The following ELAVL3 variants were observed in gnomAD, a reference collection of about 807,000 sequenced individuals.
ELAVL3 encodes the protein ELAV like RNA binding protein 3.
ELAVL3 carries 8 observed loss-of-function variants against 34.2 expected under a neutral mutation model. The ratio of observed to expected loss-of-function variants is 0.23; its 90% confidence interval spans 0.14 to 0.42. The LOEUF (loss-of-function observed/expected upper bound fraction) is 0.42. Ranked by LOEUF, ELAVL3 falls within the 10% of genes least tolerant of loss-of-function variation. ELAVL3 has a pLI of 1.00. For missense variants in ELAVL3, 273 were observed against 518.8 expected (o/e 0.53, Z 4.60); for synonymous variants, 209 against 222.1 (o/e 0.94, Z 0.53).
chr19:11,452,358 G>A lies in ELAVL3; in HGVS notation c.*2168C>T, dbSNP rs143597166. 5 of 152,212 alleles carry A rather than the reference G, an allele frequency of 3.3e-5. No homozygotes were observed. Among genetic ancestry groups the A allele is most frequent in the African/African-American group, 1.2e-4 (5 of 41,522 alleles). 9.4% of individuals were successfully genotyped at this position (152,212 alleles called of 1,614,324 possible). ...CGGATGAAGTAACAGAAATATACAC[G>A]GATGTCCTTACAGGGCAACGAGGAG... On this transcript the variant is annotated 3_prime_UTR_variant, in exon 7 of 7. Coordinates refer to ENST00000359227, the MANE Select transcript of ELAVL3 (RefSeq NM_001420.4).
intron 1 of ELAVL3, among the ~76,000 whole-genome samples, chr19:11,479,531 G>C (rs980520178): frequency 1.3e-5 from 2 of 151,896 alleles, no homozygotes; most frequent in Non-Finnish European, 2.9e-5. Context: ...GGAGTCGCGC[G>C]GCAGGGGCGG....
chr19:11,479,704 G>A (rs898500040), intron 1 of ELAVL3, among the ~76,000 whole-genome samples: 3 of 151,680 alleles, frequency 2.0e-5, no homozygotes, highest in African/African-American at 7.3e-5. Flanking sequence ...GCGTGGCAGG[G>A]CGGGAGGGGC....
At chr19:11,464,148 T>C (rs1970955599) in intron 3 of ELAVL3, among the ~76,000 whole-genome samples, 1 of 104,370 alleles carries the variant, frequency 9.6e-6, no homozygotes, top group Non-Finnish European at 1.7e-5. Flanking sequence ...TCTCTCTCTC[T>C]CTCTATATAT....
intron 1 of ELAVL3, among the ~76,000 whole-genome samples, chr19:11,474,421 C>G (rs1182880760): frequency 6.6e-6 from 1 of 151,992 alleles, no homozygotes; most frequent in Non-Finnish European, 1.5e-5. Flanking sequence ...ATGGTGAAAC[C>G]CTGTCTCTAC....
intron 1 of ELAVL3, among the ~76,000 whole-genome samples, chr19:11,475,527 C>T (rs1264180269): frequency 6.6e-6 from 1 of 151,932 alleles, no homozygotes; most frequent in Non-Finnish European, 1.5e-5. Flanking sequence ...TGTTCTCAAA[C>T]TCCTGGTCTC....
intron 3 of ELAVL3, among the ~76,000 whole-genome samples, chr19:11,465,040 C>CACACACAT (rs201270864): frequency 1.6e-5 from 2 of 124,652 alleles, no homozygotes; most frequent in Non-Finnish European, 1.7e-5. Context: ...ACACACACAC[C>CACACACAT]ACACACATAC....
At chr19:11,472,782 A>C (rs559453220) in intron 1 of ELAVL3, among the ~76,000 whole-genome samples, 48 of 151,822 alleles carry the variant, frequency 3.2e-4, no homozygotes, top group Admixed American at 9.8e-4. Context: ...GGAGAAGAAG[A>C]AGCCAGGCGT....
chr19:11,464,164 TA>T (rs1324826917), intron 3 of ELAVL3, among the ~76,000 whole-genome samples: 26 of 112,560 alleles, frequency 2.3e-4, no homozygotes, highest in African/African-American at 5.0e-4. Context: ...TATATATATA[TA>T]TATTTTTTTT....
chr19:11,478,852 C>T (rs1019725374), intron 1 of ELAVL3, among the ~76,000 whole-genome samples: 10 of 152,298 alleles, frequency 6.6e-5, no homozygotes, highest in African/African-American at 2.4e-4. Flanking sequence ...GTGACAGATG[C>T]CTGGATACCG....
chr19:11,454,289 G>T lies in ELAVL3; in HGVS notation c.*237C>A. ...CCAAGACGAGAGAGTGAACAGCCCA[G>T]CCTGGGGTGGGGGCAGGAGGATGGG... On this transcript the variant is annotated 3_prime_UTR_variant, in exon 7 of 7. Coordinates refer to ENST00000359227, the MANE Select transcript of ELAVL3 (RefSeq NM_001420.4). The surrounding 1 kb of genome is among the most constrained non-coding windows in gnomAD (Gnocchi z 9.2). 1.9e-6 allele frequency: 1 copy of T among 539,588 alleles called. No homozygotes were observed. The highest frequency in any genetic ancestry group is 3.3e-6 in the Non-Finnish European group (1 of 303,994). The allele number at this position is 539,588 out of a possible 1,614,324, so 33.4% of individuals were successfully genotyped here.
Position 11,472,835 on chromosome 19 carries a change from G to T in ELAVL3, c.10-6008C>A, listed in dbSNP as rs187592063. On this transcript the variant is annotated intron_variant, in intron 1 of 6. Transcript: ENST00000359227. ...ATCTCAGCACTTTGGGAGACCAAGG[G>T]GGGGTGGATCGCCAGAGGTCAGGAG... Among the ~76,000 whole-genome samples the T allele has an allele frequency of 2.6e-5, 4 of 151,164 alleles. 1 individual carries two copies. In the South Asian group the frequency reaches 6.3e-4, roughly 24 times the overall value.
chr19:11,477,061 T>C (rs1430674774), intron 1 of ELAVL3, among the ~76,000 whole-genome samples: 6 of 152,186 alleles, frequency 3.9e-5, no homozygotes, highest in Non-Finnish European at 8.8e-5. Flanking sequence ...CTGGGCATCA[T>C]GACATTTAAA....
intron 3 of ELAVL3, among the ~76,000 whole-genome samples, chr19:11,464,778 T>C (rs200263994): frequency 2.5e-3 from 133 of 52,704 alleles, no homozygotes; most frequent in East Asian, 4.2e-3. Context: ...ACCACACACA[T>C]ACACCACACA....
intron 3 of ELAVL3, among the ~76,000 whole-genome samples, chr19:11,460,620 G>T (rs1446752437): frequency 6.6e-6 from 1 of 151,854 alleles, no homozygotes; most frequent in Non-Finnish European, 1.5e-5. Context: ...CAGCCTCAGG[G>T]CCCTGGCATT....
chr19:11,464,608 CCACACACACCA>C (rs1378021772), intron 3 of ELAVL3, among the ~76,000 whole-genome samples: 53 of 145,980 alleles, frequency 3.6e-4, no homozygotes, highest in African/African-American at 9.4e-4. Context: ...CACACATACA[CCACACACACCA>C]CACACACACC....
chr19:11,468,508 A>G (rs1246554164), intron 1 of ELAVL3, among the ~76,000 whole-genome samples: 1 of 150,896 alleles, frequency 6.6e-6, no homozygotes, highest in Non-Finnish European at 1.5e-5. Flanking sequence ...TCTGCCTCCC[A>G]GGTTCAAGCA....
chr19:11,471,380 C>T (rs568492318), intron 1 of ELAVL3, among the ~76,000 whole-genome samples: 127 of 151,380 alleles, frequency 8.4e-4, no homozygotes, highest in Non-Finnish European at 1.4e-3. Context: ...TTTGGGAGGC[C>T]GAGGCGGGTG....
chr19:11,457,602 C>T (rs1970797201), intron 5 of ELAVL3, among the ~76,000 whole-genome samples: 1 of 152,220 alleles, frequency 6.6e-6, no homozygotes, highest in African/African-American at 2.4e-5. Context: ...GGGTTTGAGT[C>T]TCTGCTCTGT....
chr19:11,457,269 G>A, intron 5 of ELAVL3, 121 bp from the exon 6 acceptor site: 2 of 1,079,532 alleles, frequency 1.9e-6, no homozygotes, highest in Non-Finnish European at 2.5e-6. Flanking sequence ...GCCCCCGCCT[G>A]CCTGCTCCCC....
Sources: gnomAD v4.1 joint callset for allele counts (sites outside exome capture counted in the v4.1 genomes callset) on GRCh38, gnomAD v4.1.1 for gene constraint, Gnocchi (gnomAD v3.1) non-coding constraint, MANE v1.5 for transcripts, NCBI Gene and HGNC (gene_info 2026-07-23, HGNC 2026-07-21) for gene names.